Variants in SLIT3 observed in about 807,000 individuals in gnomAD.
SLIT3 encodes slit homolog 3 protein.
Under a neutral mutation model 184.0 loss-of-function variants are expected in SLIT3, and 68 were observed. The ratio of observed to expected loss-of-function variants is 0.37; its 90% CI spans 0.30 to 0.45. The LOEUF is 0.45. Ranked by LOEUF, SLIT3 falls within the 20% of genes least tolerant of loss-of-function variation. The pLI, the probability that SLIT3 is intolerant of heterozygous loss-of-function variation, is 1.00. For missense variants in SLIT3, 1,707 were observed against 2,026.0 expected (o/e 0.84, Z 3.02); for synonymous variants, 831 against 828.6 (o/e 1.00, Z -0.05).
chr5:169,215,643 T>A (rs4868389), intron 3 of SLIT3, among the ~76,000 whole-genome samples: 1 of 152,112 alleles, frequency 6.6e-6, no homozygotes, highest in Non-Finnish European at 1.5e-5. Context: ...ATTTGGCCCA[T>A]GGCTGCTGCT....
intron 20 of SLIT3, among the ~76,000 whole-genome samples, chr5:168,746,794 T>TATG (rs1262937349): frequency 2.1e-5 from 1 of 48,168 alleles, no homozygotes. Flanking sequence ...AGTGTGGTGG[T>TATG]GTGGGTGTGG....
intron 5 of SLIT3, among the ~76,000 whole-genome samples, chr5:168,860,259 C>A (rs951585557): frequency 6.6e-6 from 1 of 152,148 alleles, no homozygotes; most frequent in Middle Eastern, 3.2e-3. Flanking sequence ...TGATTGCTAA[C>A]CCCTTGGGTC....
At chr5:169,232,073 T>G (rs918870957) in intron 3 of SLIT3, among the ~76,000 whole-genome samples, 4 of 152,252 alleles carry the variant, frequency 2.6e-5, no homozygotes, top group Non-Finnish European at 5.9e-5. Flanking sequence ...GTCAGTTATA[T>G]GCACTGCCAA....
At position 168,987,342 on chromosome 5, in the gene SLIT3, T is replaced by C. The variant is rs113458383; in HGVS notation, c.414-104006A>G. Among the ~76,000 whole-genome samples the C allele has an allele frequency of 4.1e-3, 620 of 152,320 alleles. 2 individuals carry two copies. Among genetic ancestry groups the C allele is most frequent in the Non-Finnish European group, 6.9e-3 (470 of 68,034 alleles). ...TGACCTATTTCTCCCACCCAGACTA[T>C]CTATGTGGTCCTATTTTTCTATTCA... On this transcript the variant is annotated intron_variant, in intron 4 of 35. Transcript: ENST00000519560.
At chr5:169,018,441 T>G (rs1055379996) in intron 4 of SLIT3, 2 of 152,226 alleles carry the variant, frequency 1.3e-5, no homozygotes, top group Admixed American at 1.3e-4. Context: ...CCCAGGACAC[T>G]GCCAGACTGC....
chr5:169,172,663 A>T (rs951449073), intron 4 of SLIT3, among the ~76,000 whole-genome samples: 9 of 152,334 alleles, frequency 5.9e-5, no homozygotes, highest in African/African-American at 2.2e-4. Flanking sequence ...TCCGCCTCAA[A>T]TACCTCTGAG....
Position 168,787,954 on chromosome 5 carries a change from T to C in SLIT3, c.1079+1606A>G, listed in dbSNP as rs2113582039. Among the ~76,000 whole-genome samples, 3 of 151,756 alleles carry C rather than the reference T, an allele frequency of 2.0e-5. No homozygotes were observed. In the South Asian group the frequency reaches 6.2e-4, roughly 31 times the overall value. On this transcript the variant is annotated intron_variant, in intron 11 of 35. Transcript: ENST00000519560. The stretch of plus-strand genomic sequence containing the variant: ...TAATACTGCCAGTACACAGTAGGCA[T>C]CTACTGCATGAATGAATGAATAAAT...
chr5:168,975,450 C>A (rs529952338), intron 4 of SLIT3, among the ~76,000 whole-genome samples: 121 of 151,900 alleles, frequency 8.0e-4, no homozygotes, highest in Admixed American at 2.7e-3. Context: ...TGTGAACATA[C>A]AGACACCCCC....
intron 4 of SLIT3, among the ~76,000 whole-genome samples, chr5:168,916,230 G>A (rs1761430316): frequency 6.6e-6 from 1 of 152,220 alleles, no homozygotes; most frequent in Non-Finnish European, 1.5e-5. Flanking sequence ...GATGGAAAAT[G>A]TTAGAATGCC....
intron 4 of SLIT3, among the ~76,000 whole-genome samples, chr5:169,055,830 G>A (rs868263634): frequency 4.2e-5 from 6 of 142,924 alleles, no homozygotes; most frequent in South Asian, 2.2e-4. Context: ...ACTCTGTCTC[G>A]GAGGAAAAAA....
At chr5:168,963,370 C>G (rs993416796) in intron 4 of SLIT3, among the ~76,000 whole-genome samples, 1 of 152,186 alleles carries the variant, frequency 6.6e-6, no homozygotes, top group African/African-American at 2.4e-5. Context: ...CAAGGTTTCT[C>G]CACGTTGGCC....
At chr5:168,866,148 G>T (rs1162910568) in intron 5 of SLIT3, among the ~76,000 whole-genome samples, 2 of 152,098 alleles carry the variant, frequency 1.3e-5, no homozygotes, top group African/African-American at 4.8e-5. Flanking sequence ...TCGCAGCCTA[G>T]CCGGGGTCAT....
intron 4 of SLIT3, among the ~76,000 whole-genome samples, chr5:169,034,520 T>C (rs553467499): frequency 1.9e-4 from 29 of 152,314 alleles, no homozygotes; most frequent in African/African-American, 6.7e-4. Context: ...CCTTTTCCCA[T>C]TGTGTCCTCT....
intron 5 of SLIT3, among the ~76,000 whole-genome samples, chr5:168,868,851 C>T (rs145636513): frequency 1.7e-4 from 26 of 151,478 alleles, no homozygotes; most frequent in Admixed American, 2.6e-4. Context: ...GAAATGAAGG[C>T]TTAGGGAGGA....
At chr5:168,890,137 T>TAAAA (rs56267999) in intron 4 of SLIT3, among the ~76,000 whole-genome samples, 14 of 98,646 alleles carry the variant, frequency 1.4e-4, no homozygotes, top group East Asian at 8.7e-4. Flanking sequence ...AGACTCCATC[T>TAAAA]AAAAAAAAAA....
chr5:168,875,721 A>G (rs1444789995), intron 5 of SLIT3, among the ~76,000 whole-genome samples: 1 of 151,630 alleles, frequency 6.6e-6, no homozygotes, highest in African/African-American at 2.4e-5. Context: ...ACAGGAAGAG[A>G]GGAAGGGAGG....
intron 3 of SLIT3, among the ~76,000 whole-genome samples, chr5:169,199,009 TACACACACAC>T (rs562637290): frequency 6.8e-6 from 1 of 146,380 alleles, no homozygotes; most frequent in Non-Finnish European, 1.5e-5. Flanking sequence ...TATATATAAA[TACACACACAC>T]ACACACACAC....
chr5:169,055,483 A>T (rs1757962770), intron 4 of SLIT3, among the ~76,000 whole-genome samples: 1 of 152,206 alleles, frequency 6.6e-6, no homozygotes, highest in Admixed American at 6.5e-5. Context: ...TGACCTATTC[A>T]AGTAACAGCA....
At chr5:168,949,150 G>C (rs1042190336) in intron 4 of SLIT3, among the ~76,000 whole-genome samples, 14 of 152,260 alleles carry the variant, frequency 9.2e-5, no homozygotes, top group African/African-American at 2.9e-4. Flanking sequence ...GCTGACCTGT[G>C]GGGTGAACGG....
Sources: allele counts gnomAD v4.1 joint callset (sites outside exome capture counted in the v4.1 genomes callset), GRCh38; gene constraint gnomAD v4.1.1; transcripts MANE v1.5; gene names NCBI Gene and HGNC (gene_info 2026-07-23, HGNC 2026-07-21).